Variants in TAF1B observed in about 807,000 individuals in gnomAD.
The protein encoded by TAF1B is TATA-box binding protein associated factor, RNA polymerase I subunit B.
A neutral mutation model predicts 83.9 loss-of-function variants in TAF1B; 61 were observed. The observed-to-expected ratio is 0.73, with a 90% CI of 0.59 to 0.90. TAF1B has a LOEUF of 0.90. TAF1B is among the 40% of genes least tolerant of loss of function. The pLI, the probability that TAF1B is intolerant of heterozygous loss-of-function variation, is 0.00. For synonymous variants in TAF1B, 221 were observed against 224.6 expected, an observed-to-expected ratio of 0.98 and a Z score of 0.14; for missense variants, 625 against 677.0, an observed-to-expected ratio of 0.92 and a Z score of 0.85.
chr2:9,910,962 T>G, intron 10 of TAF1B, 49 bp downstream of exon 10: 1 of 1,511,086 alleles, frequency 6.6e-7, no homozygotes, highest in Non-Finnish European at 9.0e-7. Context: ...GGTGCTGATC[T>G]TAGTTTTTTA....
At chr2:9,854,808 A>G (rs1184442892) in intron 5 of TAF1B, among the ~76,000 whole-genome samples, 5 of 152,188 alleles carry the variant, frequency 3.3e-5, no homozygotes, top group African/African-American at 7.2e-5. Context: ...GATTCAGCTC[A>G]GTTATCATAT....
rs1356572997 is a variant in TAF1B at position 9,918,441 on chromosome 2, C to T, written c.1272-600C>T. On this transcript the variant is annotated intron_variant, in intron 12 of 14. Transcript: ENST00000263663. ...AGGGAACCCCAAGAGCCAGAGCAAT[C>T]CAGGATCCCCATTTTACAGTGGAAA... 2.6e-5 allele frequency among the ~76,000 whole-genome samples: 4 copies of T among 152,168 alleles called. No homozygotes were observed. The East Asian group carries it at 7.7e-4, about 29-fold the overall frequency.
chr2:9,853,045 G>A (rs1487231444), intron 4 of TAF1B, among the ~76,000 whole-genome samples: 1 of 152,224 alleles, frequency 6.6e-6, no homozygotes, highest in Non-Finnish European at 1.5e-5. Context: ...AGGTATGATA[G>A]CTGATAGTGG....
intron 5 of TAF1B, 66 bp downstream of exon 5, chr2:9,854,487 G>A: frequency 2.6e-6 from 3 of 1,164,918 alleles, no homozygotes; most frequent in Admixed American, 1.8e-5. Flanking sequence ...ATGAAGATGG[G>A]TTCATGACCA....
chr2:9,882,916 A>G (rs1664557879), intron 8 of TAF1B, 111 bp downstream of exon 8: 41 of 683,226 alleles, frequency 6.0e-5, no homozygotes, highest in South Asian at 4.8e-5. Context: ...TTATCCCAAT[A>G]TGGAACATCA....
chr2:9,843,588 C>T, intron 1 of TAF1B, 29 bp downstream of exon 1: 1 of 1,484,536 alleles, frequency 6.7e-7, no homozygotes, highest in Non-Finnish European at 9.0e-7. Flanking sequence ...TGGCGGGCCA[C>T]GATCGCCGGG....
At chr2:9,918,062 A>C (rs928126298) in intron 12 of TAF1B, among the ~76,000 whole-genome samples, 1 of 144,798 alleles carries the variant, frequency 6.9e-6, no homozygotes, top group Non-Finnish European at 1.5e-5. Context: ...ACAGAGCGAG[A>C]CTCCGTCTCA....
At chr2:9,920,282 A>G (rs113726112) in intron 14 of TAF1B, among the ~76,000 whole-genome samples, 3,094 of 152,154 alleles carry the variant, frequency 0.02, 108 homozygotes, top group African/African-American at 0.07. Flanking sequence ...CCATATTCCA[A>G]TTTTCTCATT....
intron 11 of TAF1B, 66 bp downstream of exon 11, chr2:9,911,623 A>G: frequency 1.7e-6 from 2 of 1,173,774 alleles, no homozygotes; most frequent in Admixed American, 2.8e-5. Context: ...GATGGAATAA[A>G]TGTAGGCAAA....
intron 5 of TAF1B, among the ~76,000 whole-genome samples, chr2:9,865,507 C>A (rs1349554555): frequency 6.6e-6 from 1 of 152,076 alleles, no homozygotes; most frequent in Non-Finnish European, 1.5e-5. Context: ...TGAAAATGGC[C>A]ATACTGCCCA....
intron 5 of TAF1B, among the ~76,000 whole-genome samples, chr2:9,859,563 T>C (rs1663684978): frequency 6.6e-6 from 1 of 152,168 alleles, no homozygotes; most frequent in South Asian, 2.1e-4. Flanking sequence ...CTTTTTTGTA[T>C]TTTTAATACA....
chr2:9,899,742 G>A (rs1665127678), intron 8 of TAF1B, among the ~76,000 whole-genome samples: 1 of 152,166 alleles, frequency 6.6e-6, no homozygotes, highest in Admixed American at 6.5e-5. Flanking sequence ...CAAAGAAGGA[G>A]ATGAAAATCA....
intron 5 of TAF1B, among the ~76,000 whole-genome samples, chr2:9,858,562 A>T (rs183609374): frequency 6.6e-6 from 1 of 152,382 alleles, no homozygotes; most frequent in East Asian, 1.9e-4. Flanking sequence ...GCATTGCCCT[A>T]GAAGAGGTTC....
rs1007734143 is a variant in TAF1B at position 9,914,292 on chromosome 2, C to A, written c.1271+1043C>A. ...AAGAGGGGTGGAGGTGAATTTATCC[C>A]AACAGCCCATGGATTCCCAGGAAAC... On this transcript the variant is annotated intron_variant, in intron 12 of 14. Coordinates refer to ENST00000263663, the MANE Select transcript of TAF1B (RefSeq NM_005680.3). The surrounding 1 kb of genome is among the most constrained non-coding windows in gnomAD (Gnocchi z 4.3). Among the ~76,000 whole-genome samples, 1 of 152,046 alleles carries A rather than the reference C, an allele frequency of 6.6e-6. No homozygotes were observed. Among genetic ancestry groups the A allele is most frequent in the Non-Finnish European group, 1.5e-5 (1 of 68,018 alleles).
At chr2:9,896,069 A>G (rs1665009696) in intron 8 of TAF1B, among the ~76,000 whole-genome samples, 1 of 152,178 alleles carries the variant, frequency 6.6e-6, no homozygotes, top group South Asian at 2.1e-4. Flanking sequence ...GTCTTTTAAA[A>G]AACATGTTAA....
chr2:9,904,764 A>G, intron 8 of TAF1B, 95 bp from the exon 9 acceptor site: 1 of 1,226,238 alleles, frequency 8.2e-7, no homozygotes. Flanking sequence ...TTATTTTTTT[A>G]CTTTTTAATA....
chr2:9,887,073 AAG>A (rs1004313075), intron 8 of TAF1B, among the ~76,000 whole-genome samples: 1 of 152,204 alleles, frequency 6.6e-6, no homozygotes, highest in Non-Finnish European at 1.5e-5. Flanking sequence ...CAAAAAAAAA[AAG>A]ATTTATATTG....
chr2:9,905,046 T>C (rs540070539), intron 9 of TAF1B, 40 bp downstream of exon 9: 4 of 1,552,256 alleles, frequency 2.6e-6, no homozygotes, highest in East Asian at 2.2e-5. Flanking sequence ...CTTTAACTAG[T>C]AGAGTAATAA....
chr2:9,931,038 CTT>C (rs546196413), intron 14 of TAF1B, among the ~76,000 whole-genome samples: 3 of 151,936 alleles, frequency 2.0e-5, no homozygotes, highest in Admixed American at 2.0e-4. Flanking sequence ...TCCTCCATCC[CTT>C]TTTTTTGAGC....
Sources: gnomAD v4.1 joint callset for allele counts (sites outside exome capture counted in the v4.1 genomes callset) on GRCh38, gnomAD v4.1.1 for gene constraint, Gnocchi (gnomAD v3.1) non-coding constraint, MANE v1.5 for transcripts, NCBI Gene and HGNC (gene_info 2026-07-23, HGNC 2026-07-21) for gene names.